Variants in TCF7L2 observed in about 807,000 individuals in gnomAD.
The protein encoded by TCF7L2 is transcription factor 7-like 2.
Under a neutral mutation model 77.9 loss-of-function variants are expected in TCF7L2, and 23 were observed. The observed-to-expected ratio is 0.30, with a 90% CI of 0.21 to 0.42. The LOEUF (loss-of-function observed/expected upper bound fraction) is 0.42, where lower values mean the gene tolerates loss of function less well. Among genes scored for constraint, TCF7L2 ranks in the 10% least tolerant of loss-of-function variants. TCF7L2 has a pLI of 1.00. For synonymous variants in TCF7L2, 413 were observed against 340.2 expected (o/e 1.21, Z -2.36); for missense variants, 654 against 793.1 (o/e 0.82, Z 2.11).
intron 5 of TCF7L2, among the ~76,000 whole-genome samples, chr10:113,096,156 T>C (rs2060946003): frequency 6.6e-6 from 1 of 152,166 alleles, no homozygotes; most frequent in African/African-American, 2.4e-5. Flanking sequence ...AGTTAGCACT[T>C]AGGGAGAGGG....
intron 4 of TCF7L2, among the ~76,000 whole-genome samples, chr10:113,035,646 C>T (rs2051056570): frequency 6.6e-6 from 1 of 152,244 alleles, no homozygotes; most frequent in South Asian, 2.1e-4. Context: ...ATCTTCCGGC[C>T]TTGGCCTTCC....
intron 13 of TCF7L2, 117 bp from the exon 15 acceptor site, chr10:113,165,438 G>A (rs1222744633): frequency 7.8e-6 from 9 of 1,147,648 alleles, no homozygotes; most frequent in African/African-American, 3.1e-5. Context: ...ACCACTGGGC[G>A]TGCCACCTCT....
chr10:113,089,822 A>G lies in TCF7L2; in HGVS notation c.552+49696A>G, dbSNP rs149889943. ...GAAGGCCCTCGTGATCCAGTGCCAC[A>G]CGTAACTTCTGTGAAAATGAGGAGC... On this transcript the variant is annotated intron_variant, in intron 5 of 13. Transcript: ENST00000627217. Among the ~76,000 whole-genome samples the G allele has an allele frequency of 3.1e-3, 469 of 152,308 alleles. 1 individual carries two copies. Among genetic ancestry groups the G allele is most frequent in the African/African-American group, 0.011 (443 of 41,558 alleles).
At chr10:113,036,023 A>G (rs2051138356) in intron 4 of TCF7L2, among the ~76,000 whole-genome samples, 1 of 152,182 alleles carries the variant, frequency 6.6e-6, no homozygotes, top group South Asian at 2.1e-4. Flanking sequence ...AGTCACTGAA[A>G]GGAAATACTG....
intron 5 of TCF7L2, among the ~76,000 whole-genome samples, chr10:113,072,365 T>C (rs2058135520): frequency 6.6e-6 from 1 of 151,840 alleles, no homozygotes; most frequent in Non-Finnish European, 1.5e-5. Context: ...TTATTTTTTA[T>C]TTCTTTTGAG....
rs534977738 is a variant in TCF7L2, at chr10:113,131,495, T to C, written c.553-9689T>C. Reference sequence around the variant, plus strand: ...ATATCACACCCAGTACAGTCTCCCATGTTGAGGTTCTAGACCCTAGTTTAC... The same window carrying C: ...ATATCACACCCAGTACAGTCTCCCACGTTGAGGTTCTAGACCCTAGTTTAC... On this transcript the variant is annotated intron_variant, in intron 5 of 13. Coordinates refer to ENST00000627217, the MANE Select transcript of TCF7L2 (RefSeq NM_001146274.2). 7.4e-4 allele frequency among the ~76,000 whole-genome samples: 113 copies of C among 152,352 alleles called. 1 individual carries two copies. Among genetic ancestry groups the C allele is most frequent in the Non-Finnish European group, 1.4e-3 (96 of 68,026 alleles).
rs2068826225 is a variant in TCF7L2 at position 113,143,942 on chromosome 10, C to T, written c.705C>T (p.His235=). The T allele has an allele frequency of 6.2e-7, 1 of 1,613,970 alleles. No homozygotes were observed. The highest frequency in any genetic ancestry group is 8.5e-7 in the Non-Finnish European group (1 of 1,179,926). The change falls in exon 7 of 14, where the codon CAC becomes CAT. Residue 235 remains histidine, a synonymous_variant. Transcript: ENST00000627217. ...CCTCAGGAATCCCACGGCCTCCGCA[C>T]CCTCCAGATATATCCCCGTATTACC...
chr10:112,981,721 G>C (rs139218431), intron 4 of TCF7L2, among the ~76,000 whole-genome samples: 311 of 152,334 alleles, frequency 2.0e-3, no homozygotes, highest in Non-Finnish European at 3.5e-3. Flanking sequence ...ATATGGTTTT[G>C]ATTTCGGCCT....
intron 5 of TCF7L2, among the ~76,000 whole-genome samples, chr10:113,121,263 G>A (rs561422022): frequency 5.9e-4 from 90 of 152,206 alleles, no homozygotes; most frequent in Middle Eastern, 3.4e-3. Context: ...TCGCTCTCCC[G>A]CCCTCTTCCT....
chr10:113,063,893 C>CGTGTGT (rs34087825), intron 5 of TCF7L2, among the ~76,000 whole-genome samples: 14,596 of 147,030 alleles, frequency 0.099, 788 homozygotes, highest in South Asian at 0.17. Context: ...ATGGATGTGG[C>CGTGTGT]GTGTGTGTGT....
chr10:113,158,835 C>A, intron 12 of TCF7L2, 118 bp downstream of exon 13: 1 of 1,018,456 alleles, frequency 9.8e-7, no homozygotes, highest in Non-Finnish European at 1.4e-6. Flanking sequence ...TTTAAAATGA[C>A]CATCAACACG....
chr10:113,095,715 C>G (rs1478078583), intron 5 of TCF7L2, among the ~76,000 whole-genome samples: 1 of 152,176 alleles, frequency 6.6e-6, no homozygotes, highest in African/African-American at 2.4e-5. Flanking sequence ...TAAACGCTAT[C>G]CTTTTCATTT....
chr10:112,966,651 T>A (rs2036981318), intron 4 of TCF7L2, among the ~76,000 whole-genome samples: 1 of 152,210 alleles, frequency 6.6e-6, no homozygotes, highest in Admixed American at 6.5e-5. Context: ...TGGGGCCATG[T>A]CACTGGGAGA....
chr10:112,964,816 G>GTGGTGGT (rs1331506565), intron 4 of TCF7L2, among the ~76,000 whole-genome samples, 192 bp downstream of exon 4: 1 of 148,166 alleles, frequency 6.7e-6, no homozygotes, highest in Non-Finnish European at 1.5e-5. Context: ...TGGTGGTGGG[G>GTGGTGGT]GGGGGTTGAA....
chr10:113,097,338 T>C (rs917036231), intron 5 of TCF7L2, among the ~76,000 whole-genome samples: 4 of 152,066 alleles, frequency 2.6e-5, no homozygotes, highest in Non-Finnish European at 5.9e-5. Flanking sequence ...CAAATTTCTT[T>C]CCTCTTGCCA....
chr10:113,165,769 C>A lies in TCF7L2; in HGVS notation c.1606C>A (p.Pro536Thr), dbSNP rs1447835317. ...CCACCTGTCCATGATGCCTCCGCCA[C>A]CCGCCCTCCTGCTCGCTGAGGCCAC... The change falls in exon 14 of 14, where the codon CCC (proline) becomes ACC (threonine). Residue 536 changes from proline to threonine, a missense_variant. Around this residue, in one of 6 missense-constraint regions of TCF7L2, gnomAD observed 272 missense variants for 215.4 expected, o/e 1.26. Coordinates refer to ENST00000627217, the MANE Select transcript of TCF7L2 (RefSeq NM_001146274.2). 6.2e-7 allele frequency: 1 copy of A among 1,608,570 alleles called. No individual in the cohort carries two copies. Among genetic ancestry groups the A allele is most frequent in the Non-Finnish European group, 8.5e-7 (1 of 1,177,190 alleles).
At chr10:112,957,291 A>G (rs376941819) in intron 3 of TCF7L2, among the ~76,000 whole-genome samples, 1 of 135,786 alleles carries the variant, frequency 7.4e-6, no homozygotes, top group African/African-American at 2.8e-5. Context: ...CGGCTCTTTA[A>G]TTTATATGAT....
chr10:113,097,391 G>A (rs544875181), intron 5 of TCF7L2, among the ~76,000 whole-genome samples: 7 of 152,224 alleles, frequency 4.6e-5, no homozygotes, highest in Admixed American at 3.3e-4. Flanking sequence ...GGTGGCTCAC[G>A]CCTATAATCC....
chr10:113,073,144 GAGAGAGAC>G (rs2058269700), intron 5 of TCF7L2, among the ~76,000 whole-genome samples: 6 of 150,974 alleles, frequency 4.0e-5, no homozygotes, highest in Non-Finnish European at 7.4e-5. Context: ...GAGAGAGAGA[GAGAGAGAC>G]AGAGAGAGAG....
Sources: gnomAD v4.1 joint callset for allele counts (sites outside exome capture counted in the v4.1 genomes callset) on GRCh38, gnomAD v4.1.1 for gene constraint, gnomAD v4.1.1 regional missense constraint, MANE v1.5 for transcripts, NCBI Gene and HGNC (gene_info 2026-07-23, HGNC 2026-07-21) for gene names.